The following PDE4D variants were observed in gnomAD, a reference collection of about 807,000 sequenced individuals.
PDE4D encodes the protein phosphodiesterase 4D.
A neutral mutation model predicts 87.4 loss-of-function variants in PDE4D; 24 were observed. The observed-to-expected ratio is 0.27, with a 90% CI of 0.20 to 0.39. PDE4D has a LOEUF of 0.39. Ranked by LOEUF, PDE4D falls within the 10% of genes least tolerant of loss-of-function variation. PDE4D has a pLI of 1.00. For synonymous variants in PDE4D, 384 were observed against 383.2 expected (o/e 1.00, Z -0.02); for missense variants, 714 against 1,041.0 (o/e 0.69, Z 4.32).
intron 1 of PDE4D, among the ~76,000 whole-genome samples, chr5:59,426,007 G>T (rs1485011165): frequency 3.3e-5 from 5 of 152,030 alleles, no homozygotes; most frequent in Admixed American, 2.6e-4. Context: ...AAGCCTTTAG[G>T]GTGGGCCTTA....
At chr5:59,688,139 T>C (rs893689560) in intron 1 of PDE4D, among the ~76,000 whole-genome samples, 7 of 152,186 alleles carry the variant, frequency 4.6e-5, no homozygotes, top group Admixed American at 3.3e-4. Context: ...AACACCCCAC[T>C]GTCAACATCG....
In PDE4D at chr5:60,024,437, T is replaced by C. The variant is rs1217353915; in HGVS notation, c.43-35720A>G. On this transcript the variant is annotated intron_variant, in intron 2 of 16. Transcript: ENST00000502484. The stretch of plus-strand genomic sequence containing the variant: ...CACTCTGTATTTATTGTTTCAAAGA[T>C]GTATTTATTTAAAATTACAGTTTCA... Among the ~76,000 whole-genome samples, 8 of 152,234 alleles carry C rather than the reference T, an allele frequency of 5.3e-5. No homozygotes were observed. In the East Asian group the frequency reaches 1.3e-3, roughly 26 times the overall value.
At chr5:59,318,270 A>G (rs1014852380) in intron 1 of PDE4D, among the ~76,000 whole-genome samples, 15 of 152,190 alleles carry the variant, frequency 9.9e-5, no homozygotes, top group Non-Finnish European at 2.2e-4. Flanking sequence ...ATACCAGAGG[A>G]AGTTTTAGAC....
At chr5:59,995,565 C>T (rs774516571) in intron 2 of PDE4D, among the ~76,000 whole-genome samples, 7 of 152,022 alleles carry the variant, frequency 4.6e-5, no homozygotes, top group Non-Finnish European at 7.4e-5. Flanking sequence ...GGTGATCCAC[C>T]GCCTCGGCCT....
intron 1 of PDE4D, among the ~76,000 whole-genome samples, chr5:60,293,767 A>G (rs73104773): frequency 0.088 from 13,345 of 152,186 alleles, 1,925 homozygotes; most frequent in African/African-American, 0.31. Context: ...TGCAGGTATC[A>G]GTAGTTCATT....
At chr5:60,082,598 T>C (rs1470412411) in intron 2 of PDE4D, among the ~76,000 whole-genome samples, 2 of 152,078 alleles carry the variant, frequency 1.3e-5, no homozygotes, top group Non-Finnish European at 2.9e-5. Flanking sequence ...GTTTCAGAAA[T>C]TGACCAGAAA....
intron 1 of PDE4D, among the ~76,000 whole-genome samples, chr5:60,306,725 C>T (rs776895085): frequency 6.6e-6 from 1 of 151,974 alleles, no homozygotes; most frequent in South Asian, 2.1e-4. Flanking sequence ...TTCTGATTAA[C>T]GTGACAGACT....
At chr5:60,104,045 A>G (rs1015239861) in intron 2 of PDE4D, among the ~76,000 whole-genome samples, 3 of 151,532 alleles carry the variant, frequency 2.0e-5, no homozygotes, top group African/African-American at 7.4e-5. Context: ...TGCGAGCCGA[A>G]GCAGGGCGAG....
At chr5:60,291,564 C>T (rs984733818) in intron 1 of PDE4D, among the ~76,000 whole-genome samples, 2 of 151,590 alleles carry the variant, frequency 1.3e-5, no homozygotes, top group Non-Finnish European at 2.9e-5. Flanking sequence ...TGATGCTAAT[C>T]GTTAAGAAAA....
intron 5 of PDE4D, chr5:59,039,480 T>A: frequency 1.0e-6 from 1 of 985,718 alleles, no homozygotes; most frequent in African/African-American, 1.7e-5. Flanking sequence ...TTGAAGTGAA[T>A]GAATCAGCCG....
chr5:59,019,873 AT>A (rs1754760008), intron 6 of PDE4D, among the ~76,000 whole-genome samples: 3 of 26,016 alleles, frequency 1.2e-4, no homozygotes, highest in African/African-American at 8.1e-4. Flanking sequence ...ATGTTTCGCT[AT>A]CTATCTATCT....
chr5:59,836,521 A>C (rs1742058151), intron 1 of PDE4D, among the ~76,000 whole-genome samples: 1 of 152,030 alleles, frequency 6.6e-6, no homozygotes. Flanking sequence ...GAGTGTAAAC[A>C]GGGATTGGAT....
chr5:60,168,273 T>A (rs1168130154), intron 2 of PDE4D, among the ~76,000 whole-genome samples: 1 of 152,226 alleles, frequency 6.6e-6, no homozygotes, highest in Non-Finnish European at 1.5e-5. Flanking sequence ...TGAAGAAGAA[T>A]GTTTTCCTGG....
intron 1 of PDE4D, among the ~76,000 whole-genome samples, chr5:60,340,388 A>G (rs775195456): frequency 2.6e-5 from 4 of 152,258 alleles, no homozygotes; most frequent in Admixed American, 2.6e-4. Context: ...TTAAACACAG[A>G]AATATTTAAA....
chr5:59,868,689 A>G (rs1747395532), intron 1 of PDE4D, among the ~76,000 whole-genome samples: 1 of 152,208 alleles, frequency 6.6e-6, no homozygotes, highest in South Asian at 2.1e-4. Context: ...AGCTCAAAGA[A>G]GGCAACGGTG....
chr5:59,095,209 G>A (rs1769475474), intron 5 of PDE4D, among the ~76,000 whole-genome samples: 1 of 151,290 alleles, frequency 6.6e-6, no homozygotes, highest in Non-Finnish European at 1.5e-5. Context: ...ACCATTCAAC[G>A]ATCTTGTATG....
chr5:59,472,336 G>A (rs1802579930), intron 1 of PDE4D, among the ~76,000 whole-genome samples: 1 of 152,118 alleles, frequency 6.6e-6, no homozygotes, highest in South Asian at 2.1e-4. Context: ...TTTATGCTGG[G>A]CACAGGAAAG....
chr5:60,390,074 T>G (rs1762460883), intron 1 of PDE4D, among the ~76,000 whole-genome samples: 1 of 152,242 alleles, frequency 6.6e-6, no homozygotes, highest in Admixed American at 6.5e-5. Context: ...AGTGTGTGGC[T>G]GTTGCAGCCT....
chr5:59,188,252 G>A (rs1331226134), intron 3 of PDE4D, among the ~76,000 whole-genome samples: 1 of 152,024 alleles, frequency 6.6e-6, no homozygotes, highest in African/African-American at 2.4e-5. Context: ...AGAAAATTAA[G>A]GTCATTTCTT....
Sources: gnomAD v4.1 joint callset for allele counts (sites outside exome capture counted in the v4.1 genomes callset) on GRCh38, gnomAD v4.1.1 for gene constraint, MANE v1.5 for transcripts, NCBI Gene and HGNC (gene_info 2026-07-23, HGNC 2026-07-21) for gene names.